The following TTN variants were observed in gnomAD, a reference collection of about 807,000 sequenced individuals.
The protein encoded by TTN is titin, also known as connectin.
Under a neutral mutation model 3,223.0 loss-of-function variants are expected in TTN, and 1,525 were observed. That is an observed-to-expected ratio of 0.47 (90% CI 0.45 to 0.49). The LOEUF is 0.49. Among genes scored for constraint, TTN ranks in the 20% least tolerant of loss-of-function variants. The probability of loss-of-function intolerance (pLI) is 0.00; values close to 1 mark genes in which losing one functional copy is unlikely to be tolerated. For synonymous variants in TTN, 14,094 were observed against 15,161.0 expected (o/e 0.93, Z 5.17); for missense variants, 40,786 against 43,424.0 (o/e 0.94, Z 5.40).
chr2:178,745,669 T>C lies in TTN; in HGVS notation c.11312-3748A>G, dbSNP rs765910346. ...ACCTATACTCTCCTTCATCACTCTT[T>C]ACTAAGCTTGTTATAAACAGGTTAT... On this transcript the variant is annotated intron_variant, in intron 47 of 362. Transcript: ENST00000589042. 9 of 1,612,104 alleles carry C rather than the reference T, an allele frequency of 5.6e-6. No homozygotes were observed. The South Asian group carries it at 9.9e-5, about 18-fold the overall frequency.
intron 20 of TTN, 63 bp downstream of exon 20, chr2:178,782,149 C>T (rs987093442): frequency 1.3e-6 from 2 of 1,590,840 alleles, no homozygotes; most frequent in African/African-American, 1.3e-5. Context: ...GTAAATTCTA[C>T]TCTAGGCTTC....
intron 47 of TTN, chr2:178,746,483 G>T: frequency 6.2e-7 from 1 of 1,612,930 alleles, no homozygotes; most frequent in Non-Finnish European, 8.5e-7. Flanking sequence ...TTCTTGAGGA[G>T]AAGGTGTTCT....
chr2:178,577,533 T>TAATC (rs1216460489), intron 323 of TTN, 23 bp from the exon 324 acceptor site: 2 of 1,554,916 alleles, frequency 1.3e-6, no homozygotes, highest in East Asian at 4.5e-5. Context: ...AAATACATTT[T>TAATC]AATCAGAAAA....
In TTN at chr2:178,571,809, T is replaced by C. The variant is rs766089174; in HGVS notation, c.74323A>G (p.Ile24775Val). Residue 24775 changes from isoleucine (I) to valine (V), a missense_variant, in exon 326 of 363, where the codon ATA (isoleucine) becomes GTA (valine). Transcript: ENST00000589042. ...ESTENNSLLT[I>V]KDACREDVGH... ...ACATCTTCTCGGCAGGCGTCCTTTA[T>C]TGTCAGTAGTGAATTATTTTCTGTG... The C allele has an allele frequency of 8.7e-6, 14 of 1,613,544 alleles. No individual in the cohort carries two copies. The highest frequency in any genetic ancestry group is 1.2e-5 in the Non-Finnish European group (14 of 1,179,608).
intron 47 of TTN, chr2:178,752,034 A>G: frequency 1.3e-6 from 2 of 1,538,462 alleles, no homozygotes; most frequent in Non-Finnish European, 1.7e-6. Context: ...CCCTCAGAGA[A>G]TAATTCTGGA....
intron 274 of TTN, 49 bp from the exon 275 acceptor site, chr2:178,608,526 A>G (rs781629308): frequency 8.3e-6 from 13 of 1,558,786 alleles, no homozygotes; most frequent in Non-Finnish European, 9.5e-6. Flanking sequence ...TGACATAAAA[A>G]TGCAATTTTA....
At position 178,611,900 on chromosome 2, in the gene TTN, C is replaced by A; in HGVS notation, c.50409G>T (p.Lys16803Asn). The change falls in exon 268 of 363, where the codon AAG (lysine) becomes AAT (asparagine). Residue 16803 changes from lysine to asparagine, a missense_variant. Coordinates refer to ENST00000589042, the MANE Select transcript of TTN (RefSeq NM_001267550.2). ...TGAAGTTACAGTCAGGTCCTGCAGT[C>A]TTTCCAGCTTTCACCCAACGGGTAC... ...RLGTRWVKAGKTAGPDCNFRV... is the reference protein window; with the variant it reads ...RLGTRWVKAGNTAGPDCNFRV... The A allele has an allele frequency of 6.2e-7, 1 of 1,612,750 alleles. No individual in the cohort carries two copies. Among genetic ancestry groups the A allele is most frequent in the Non-Finnish European group, 8.5e-7 (1 of 1,179,240 alleles).
chr2:178,705,521 T>C (rs2075721898), intron 102 of TTN, among the ~76,000 whole-genome samples, 164 bp from the exon 103 acceptor site: 1 of 152,100 alleles, frequency 6.6e-6, no homozygotes, highest in South Asian at 2.1e-4. Context: ...AAAATGTGGG[T>C]TTGGAGATGG....
Position 178,528,925 on chromosome 2 carries a change from A to T in TTN, c.106826T>A (p.Ile35609Asn). 1 of 1,613,990 alleles carries T rather than the reference A, an allele frequency of 6.2e-7. No individual in the cohort carries two copies. Among genetic ancestry groups the T allele is most frequent in the Non-Finnish European group, 8.5e-7 (1 of 1,179,882 alleles). The change falls in exon 360 of 363, where the codon ATT (isoleucine) becomes AAT (asparagine). Residue 35609 changes from isoleucine (I) to asparagine (N), a missense_variant. Coordinates refer to ENST00000589042, the MANE Select transcript of TTN (RefSeq NM_001267550.2). ...GCTCATCTGAGTAGAAAATGCTTTA[A>T]TCTCAGCATGAGTTCTGACTTCTTC... ...ASEEVRTHAE[I>N]KAFSTQMSIN... is the part of the protein sequence containing the mutation.
rs1208573404 is a variant in TTN, at chr2:178,692,512, G to C, written c.31663C>G (p.Pro10555Ala). 4 of 1,583,620 alleles carry C rather than the reference G, an allele frequency of 2.5e-6. No homozygotes were observed. The East Asian group carries it at 9.0e-5, about 36-fold the overall frequency. ...APVPIPKKVE[P>A]PAPKVPEVPK... ...ATTATTCTACCTTTTGGTGCTGGGG[G>C]CTCCACTTTTTTAGGGATAGGAACA... The change falls in exon 120 of 363, where the codon CCC becomes GCC. Residue 10555 changes from proline (P) to alanine (A), a missense_variant. Transcript: ENST00000589042.
chr2:178,685,123 T>C (rs2070507638), intron 129 of TTN, 130 bp downstream of exon 129: 1 of 1,142,140 alleles, frequency 8.8e-7, no homozygotes, highest in African/African-American at 1.6e-5. Flanking sequence ...GTAAATACGT[T>C]CATACATGTG....
At position 178,784,238 on chromosome 2, in the gene TTN, A is replaced by G. The variant is rs143969192; in HGVS notation, c.2607T>C (p.Thr869=). The change falls in exon 16 of 363, where the codon ACT becomes ACC. Residue 869 remains threonine (T), a synonymous_variant. Transcript: ENST00000589042. ...VKAPTVKPSE[T]RVRAEPTPLP... ...AGGGTGTGGGCTCTGCCCTTACTCT[A>G]GTCTCACTGGGCTTCACAGTAGGAG... The G allele has an allele frequency of 5.1e-5, 83 of 1,614,088 alleles. No homozygotes were observed. In the South Asian group the frequency reaches 8.6e-4, roughly 17 times the overall value.
At position 178,564,969 on chromosome 2, in the gene TTN, T is replaced by C; in HGVS notation, c.81163A>G (p.Lys27055Glu). The part of the protein sequence containing the change: ...FRIFAENRYG[K>E]SAPLDSKAVI... ...GCCTTAGAATCCAGTGGGGCACTTT[T>C]TCCATACCTGTTTTCAGCAAAAATT... Residue 27055 changes from lysine to glutamate, a missense_variant, in exon 326 of 363, where the codon AAA becomes GAA. Transcript: ENST00000589042. 1.2e-6 allele frequency: 2 copies of C among 1,612,252 alleles called. No homozygotes were observed. Among genetic ancestry groups the C allele is most frequent in the Non-Finnish European group, 1.7e-6 (2 of 1,179,118 alleles).
chr2:178,745,849 G>A, intron 47 of TTN: 2 of 1,613,074 alleles, frequency 1.2e-6, no homozygotes, highest in Non-Finnish European at 8.5e-7. Context: ...AAATACCTTT[G>A]ATAAACCTGG....
Position 178,707,950 on chromosome 2 carries a change from G to A in TTN, c.28754-137C>T, listed in dbSNP as rs1344922626. 8.0e-6 allele frequency: 7 copies of A among 874,664 alleles called. 1 individual carries two copies. The highest frequency in any genetic ancestry group is 5.0e-4 in the Middle Eastern group (2 of 4,020). 54.2% of individuals were successfully genotyped at this position (874,664 alleles called of 1,614,324 possible). A position where few individuals can be genotyped will look rare whatever the true frequency, so the allele number is the denominator to read the frequency against. On this transcript the variant is annotated intron_variant, in intron 99 of 362. Transcript: ENST00000589042. ...GTAGTAGGACAGAATTATGTGCCTG[G>A]TTTATTCCTCTCTAAAGACAATAGT...
chr2:178,750,663 A>G, intron 47 of TTN: 1 of 1,612,800 alleles, frequency 6.2e-7, no homozygotes, highest in Non-Finnish European at 8.5e-7. Context: ...ATTCGTGTAG[A>G]AGCAGAGAGT....
chr2:178,726,152 G>T (rs1387002971), intron 69 of TTN, 106 bp from the exon 70 acceptor site: 1 of 1,309,004 alleles, frequency 7.6e-7, no homozygotes, highest in African/African-American at 1.5e-5. Flanking sequence ...ATTCTAATGG[G>T]TAAGTAGAGT....
chr2:178,731,827 T>C lies in TTN; in HGVS notation c.17048A>G (p.Tyr5683Cys), dbSNP rs72648942. Reference sequence around the variant, plus strand: ...CAGATGATCCTGAATGAAAGTCTTATACTTTCTACCACTTCGCAGGATTGT... The same window carrying C: ...CAGATGATCCTGAATGAAAGTCTTACACTTTCTACCACTTCGCAGGATTGT... ...DNTILRSGRK[Y>C]KTFIQDHLVS... The change falls in exon 58 of 363, where the codon TAT becomes TGT. Residue 5683 changes from tyrosine to cysteine, a missense_variant. By Grantham distance (194) the Tyr-to-Cys change is radical (BLOSUM62 -2). Coordinates refer to ENST00000589042, the MANE Select transcript of TTN (RefSeq NM_001267550.2). The C allele has an allele frequency of 6.7e-3, 10,839 of 1,613,858 alleles. 45 individuals carry two copies. The highest frequency in any genetic ancestry group is 7.7e-3 in the Non-Finnish European group (9,109 of 1,179,768).
In TTN at chr2:178,568,154, G is replaced by T. The variant is rs771646684; in HGVS notation, c.77978C>A (p.Pro25993His). The T allele has an allele frequency of 1.2e-6, 2 of 1,613,398 alleles. No individual in the cohort carries two copies. The highest frequency in any genetic ancestry group is 2.7e-5 in the African/African-American group (2 of 74,858). The change falls in exon 326 of 363, where the codon CCT (proline) becomes CAT (histidine). Residue 25993 changes from proline to histidine, a missense_variant. Coordinates refer to ENST00000589042, the MANE Select transcript of TTN (RefSeq NM_001267550.2). ...VAQYPYKEPG[P>H]PGTPFATAIS... is the part of the protein sequence containing the mutation. ...GGCTGTGGCAAATGGTGTACCTGGAGGGCCTGGTTCTTTGTAGGGATATTG... is the reference window on the plus strand; with the variant it reads ...GGCTGTGGCAAATGGTGTACCTGGATGGCCTGGTTCTTTGTAGGGATATTG...
Sources: allele counts gnomAD v4.1 joint callset (sites outside exome capture counted in the v4.1 genomes callset), GRCh38; gene constraint gnomAD v4.1.1; transcripts MANE v1.5; gene names NCBI Gene and HGNC (gene_info 2026-07-23, HGNC 2026-07-21).